Variants in AIG1 observed in about 807,000 individuals in gnomAD.
AIG1 encodes the protein androgen-induced gene 1 protein.
In AIG1, 23 loss-of-function variants were observed where a neutral mutation model predicts 31.4. The ratio of observed to expected loss-of-function variants is 0.73; its 90% CI spans 0.53 to 1.04. The LOEUF (loss-of-function observed/expected upper bound fraction) is 1.04. Among genes scored for constraint, AIG1 ranks in the 50% least tolerant of loss-of-function variants. The pLI, the probability that AIG1 is intolerant of heterozygous loss-of-function variation, is 0.00. For synonymous variants in AIG1, 100 were observed against 110.5 expected (o/e 0.90, Z 0.60); for missense variants, 274 against 295.0 (o/e 0.93, Z 0.52).
chr6:143,239,614 T>C (rs1371085049), intron 3 of AIG1, among the ~76,000 whole-genome samples: 1 of 152,222 alleles, frequency 6.6e-6, no homozygotes, highest in African/African-American at 2.4e-5. Context: ...TCCACATCCA[T>C]GTTTATAAGT....
intron 2 of AIG1, among the ~76,000 whole-genome samples, chr6:143,138,660 G>A (rs1367771834): frequency 6.6e-6 from 1 of 152,014 alleles, no homozygotes; most frequent in Non-Finnish European, 1.5e-5. Flanking sequence ...TTGGGAGGCC[G>A]AGGCGGGCAG....
chr6:143,310,650 A>T (rs1775189734), intron 4 of AIG1, among the ~76,000 whole-genome samples: 2 of 151,508 alleles, frequency 1.3e-5, no homozygotes, highest in Non-Finnish European at 3.0e-5. Flanking sequence ...AAAAACAATA[A>T]AAGCCAAGGC....
At chr6:143,158,617 G>T (rs1469797025) in intron 2 of AIG1, among the ~76,000 whole-genome samples, 1 of 152,154 alleles carries the variant, frequency 6.6e-6, no homozygotes, top group Non-Finnish European at 1.5e-5. Flanking sequence ...AAGTCCAGAG[G>T]ATTATTATAG....
intron 1 of AIG1, among the ~76,000 whole-genome samples, chr6:143,090,414 A>G (rs1417806359): frequency 1.3e-5 from 2 of 152,360 alleles, no homozygotes; most frequent in East Asian, 1.9e-4. Flanking sequence ...CTTAGAATTT[A>G]TAGTCGATCT....
At chr6:143,192,191 G>T (rs1242857440) in intron 3 of AIG1, among the ~76,000 whole-genome samples, 1 of 152,248 alleles carries the variant, frequency 6.6e-6, no homozygotes, top group African/African-American at 2.4e-5. Context: ...GAGAGCATCT[G>T]TCAGAGAAGC....
chr6:143,257,338 AC>A (rs1188477785), intron 3 of AIG1, among the ~76,000 whole-genome samples: 4 of 152,126 alleles, frequency 2.6e-5, no homozygotes, highest in Non-Finnish European at 5.9e-5. Flanking sequence ...TGTAAAAAAA[AC>A]AAAAACAAAA....
At chr6:143,250,075 G>A (rs143634685) in intron 3 of AIG1, among the ~76,000 whole-genome samples, 83 of 152,324 alleles carry the variant, frequency 5.4e-4, no homozygotes, top group Middle Eastern at 3.4e-3. Context: ...TGGCCTGCCC[G>A]GAGCAAGGCA....
chr6:143,067,361 T>A (rs1205450606), intron 1 of AIG1, among the ~76,000 whole-genome samples: 2 of 152,170 alleles, frequency 1.3e-5, no homozygotes, highest in Admixed American at 6.5e-5. Context: ...ATCTAGGTAC[T>A]TTTTTTGTTA....
intron 4 of AIG1, among the ~76,000 whole-genome samples, chr6:143,309,342 G>A (rs1424796069): frequency 6.6e-6 from 1 of 152,024 alleles, no homozygotes; most frequent in African/African-American, 2.4e-5. Flanking sequence ...ACTAAAAGAA[G>A]AGCATAGAAT....
In AIG1 at chr6:143,268,819, C is replaced by G. The variant is rs993952987; in HGVS notation, c.400-15291C>G. On this transcript the variant is annotated intron_variant, in intron 3 of 5. Coordinates refer to ENST00000357847, the MANE Select transcript of AIG1 (RefSeq NM_016108.4). This position sits in a 1 kb window ranked among gnomAD's most constrained non-coding sequence, Gnocchi z 5.0. ...TCCCCTTTGGGGATTGGACTTACTT[C>G]CCCAGCAGGTGGGAGTGCCGTCAGT... Among the ~76,000 whole-genome samples, 1 of 152,156 alleles carries G rather than the reference C, an allele frequency of 6.6e-6. No individual in the cohort carries two copies. Among genetic ancestry groups the G allele is most frequent in the East Asian group, 1.9e-4 (1 of 5,184 alleles).
At chr6:143,136,311 T>G (rs1783741583) in intron 1 of AIG1, among the ~76,000 whole-genome samples, 1 of 152,086 alleles carries the variant, frequency 6.6e-6, no homozygotes, top group Non-Finnish European at 1.5e-5. Flanking sequence ...ACCACTTCCT[T>G]TGATAGAAAA....
At chr6:143,099,364 A>T (rs1341825570) in intron 1 of AIG1, 1 of 152,258 alleles carries the variant, frequency 6.6e-6, no homozygotes, top group Non-Finnish European at 1.5e-5. Context: ...CCTAGAGCAC[A>T]CCATATTCTA....
chr6:143,194,377 A>T (rs1790052110), intron 3 of AIG1, among the ~76,000 whole-genome samples: 1 of 152,096 alleles, frequency 6.6e-6, no homozygotes, highest in Non-Finnish European at 1.5e-5. Context: ...ATCACCACCC[A>T]CGAGTTCCCT....
In AIG1 at chr6:143,229,784, C is replaced by CAACA. The variant is rs1554260078; in HGVS notation, c.400-54324_400-54323insCAAA. Among the ~76,000 whole-genome samples the CAACA allele has an allele frequency of 4.1e-3, 329 of 80,700 alleles. 4 individuals carry two copies. Among genetic ancestry groups the CAACA allele is most frequent in the Admixed American group, 8.4e-3 (60 of 7,136 alleles). The allele number at this position is 80,700 out of a possible 152,430, so 52.9% of individuals were successfully genotyped here. A position where few individuals can be genotyped will look rare whatever the true frequency, so the allele number is the denominator to read the frequency against. On this transcript the variant is annotated intron_variant, in intron 3 of 5. Coordinates refer to ENST00000357847, the MANE Select transcript of AIG1 (RefSeq NM_016108.4). ...GCCTCTCGTTTCTGGACTCTCAGAA[C>CAACA]AAAAAAAAAAAAAAAAAAAAGGATC...
intron 2 of AIG1, among the ~76,000 whole-genome samples, chr6:143,143,625 T>C (rs1296834348): frequency 6.8e-6 from 1 of 147,936 alleles, no homozygotes; most frequent in Non-Finnish European, 1.5e-5. Flanking sequence ...GTCAAGACTT[T>C]TCTATTTTCT....
Position 143,327,439 on chromosome 6 carries a change from G to T in AIG1, c.516-5843G>T. 2.7e-6 allele frequency: 1 copy of T among 370,910 alleles called. No individual in the cohort carries two copies. Among genetic ancestry groups the T allele is most frequent in the East Asian group, 8.3e-5 (1 of 12,088 alleles). 23.0% of individuals were successfully genotyped at this position (370,910 alleles called of 1,614,324 possible). On this transcript the variant is annotated intron_variant, in intron 4 of 5. Transcript: ENST00000357847. The surrounding 1 kb of genome is among the most constrained non-coding windows in gnomAD (Gnocchi z 5.3). ...TCAAAGAGATCTGGAAATTTGCCAC[G>T]AAGGAGATGGGAACTCCAGATTTGC...
rs115556545 is a variant in AIG1, at chr6:143,329,093, C to T, written c.516-4189C>T. The stretch of plus-strand genomic sequence containing the variant: ...AAGACAAGTGGATGCATCATTCACA[C>T]TGATCCAGGTGAAACCCCAAATAAC... On this transcript the variant is annotated intron_variant, in intron 4 of 5. Coordinates refer to ENST00000357847, the MANE Select transcript of AIG1 (RefSeq NM_016108.4). This position sits in a 1 kb window ranked among gnomAD's most constrained non-coding sequence, Gnocchi z 4.9. Among the ~76,000 whole-genome samples the T allele has an allele frequency of 1.0e-3, 152 of 152,304 alleles. 1 individual carries two copies. Among genetic ancestry groups the T allele is most frequent in the African/African-American group, 3.6e-3 (150 of 41,574 alleles).
chr6:143,082,517 C>T (rs180941804), intron 1 of AIG1, among the ~76,000 whole-genome samples: 53 of 152,294 alleles, frequency 3.5e-4, no homozygotes, highest in African/African-American at 1.2e-3. Flanking sequence ...TTTAAGCAAA[C>T]GGTTGTCTGA....
intron 3 of AIG1, among the ~76,000 whole-genome samples, chr6:143,273,459 C>T (rs146951452): frequency 1.4e-4 from 22 of 152,252 alleles, no homozygotes; most frequent in African/African-American, 5.1e-4. Flanking sequence ...TCACTTTTCC[C>T]TTGCCATTCA....
Sources: allele counts gnomAD v4.1 joint callset (sites outside exome capture counted in the v4.1 genomes callset), GRCh38; gene constraint gnomAD v4.1.1; non-coding constraint Gnocchi (gnomAD v3.1); transcripts MANE v1.5; gene names NCBI Gene and HGNC (gene_info 2026-07-23, HGNC 2026-07-21).